SELENOF: variants seen among roughly 807,000 people sequenced by gnomAD.
SELENOF encodes 15 kDa selenoprotein.
Under a neutral mutation model 20.5 loss-of-function variants are expected in SELENOF, and 16 were observed. The ratio of observed to expected loss-of-function variants is 0.78; its 90% CI spans 0.53 to 1.19. SELENOF has a LOEUF of 1.19. Among genes scored for constraint, SELENOF ranks in the 50% most tolerant of loss-of-function variants. The pLI is 0.00. For missense variants in SELENOF, 215 were observed against 194.2 expected (o/e 1.11, Z -0.64); for synonymous variants, 78 against 74.5 (o/e 1.05, Z -0.24).
At chr1:86,876,142 T>C (rs948186886) in intron 3 of SELENOF, among the ~76,000 whole-genome samples, 3 of 151,384 alleles carry the variant, frequency 2.0e-5, no homozygotes, top group Admixed American at 6.6e-5. Flanking sequence ...CTAATCCTTT[T>C]GGATAAAGAT....
rs1439412615 is a variant in SELENOF, at chr1:86,903,405, T to G, written c.128A>C (p.Glu43Ala). Reference protein sequence around the residue: ...GAEFSSEACRELGFSSNLLCS... With the variant: ...GAEFSSEACRALGFSSNLLCS... ...AAGCAAGTTGCTAGAAAAGCCTAAC[T>G]CTCTGCATGCCTCCGATGAAAACTC... Residue 43 changes from glutamate (E) to alanine (A), a missense_variant, in exon 2 of 5, where the codon GAG becomes GCG. Physicochemically the swap from Glu to Ala is moderately radical, Grantham distance 107 (BLOSUM62 -1). Transcript: ENST00000331835. 1 of 1,610,970 alleles carries G rather than the reference T, an allele frequency of 6.2e-7. No homozygotes were observed.
chr1:86,902,183 T>C (rs1378360709), intron 2 of SELENOF, among the ~76,000 whole-genome samples: 3 of 152,232 alleles, frequency 2.0e-5, no homozygotes, highest in Non-Finnish European at 4.4e-5. Flanking sequence ...AGATTTTATT[T>C]ACATGCAAGA....
intron 2 of SELENOF, among the ~76,000 whole-genome samples, chr1:86,896,179 G>A (rs1659519174): frequency 6.6e-6 from 1 of 150,420 alleles, no homozygotes; most frequent in Admixed American, 6.6e-5. Context: ...AACCTGGGAG[G>A]TTGCAGTGAG....
At chr1:86,876,611 TA>T (rs955031748) in intron 3 of SELENOF, among the ~76,000 whole-genome samples, 79 of 152,308 alleles carry the variant, frequency 5.2e-4, no homozygotes, top group African/African-American at 1.9e-3. Flanking sequence ...AAACTTTATG[TA>T]AAGATATAGA....
chr1:86,882,970 T>C (rs1363358616), intron 2 of SELENOF, among the ~76,000 whole-genome samples: 1 of 151,806 alleles, frequency 6.6e-6, no homozygotes, highest in Admixed American at 6.6e-5. Flanking sequence ...TACTAAAAAA[T>C]ACAAAAATTG....
intron 2 of SELENOF, among the ~76,000 whole-genome samples, chr1:86,881,903 G>T (rs1659079063): frequency 6.6e-6 from 1 of 152,012 alleles, no homozygotes; most frequent in Non-Finnish European, 1.5e-5. Flanking sequence ...GAATTCTGAT[G>T]ATCTCTAAGG....
chr1:86,910,719 AAAG>A (rs1250160316), intron 1 of SELENOF, among the ~76,000 whole-genome samples: 2 of 150,990 alleles, frequency 1.3e-5, no homozygotes, highest in South Asian at 4.2e-4. Context: ...AAAAAAAAAA[AAAG>A]GTTTCAGTCT....
chr1:86,909,472 T>C (rs1037764585), intron 1 of SELENOF, among the ~76,000 whole-genome samples: 17 of 152,294 alleles, frequency 1.1e-4, no homozygotes, highest in African/African-American at 3.9e-4. Context: ...CCTGATGACT[T>C]TGATGGCATG....
chr1:86,884,234 A>T (rs931006120), intron 2 of SELENOF, among the ~76,000 whole-genome samples: 2 of 152,144 alleles, frequency 1.3e-5, no homozygotes, highest in African/African-American at 4.8e-5. Context: ...TTTGTAGAGT[A>T]GTTCCAGTCC....
intron 3 of SELENOF, among the ~76,000 whole-genome samples, chr1:86,874,805 T>C (rs747942752): frequency 1.4e-4 from 22 of 152,204 alleles, no homozygotes; most frequent in Non-Finnish European, 3.1e-4. Context: ...ATAAGTATAT[T>C]TGAATTAGAA....
intron 2 of SELENOF, among the ~76,000 whole-genome samples, chr1:86,900,192 T>A (rs61800717): frequency 3.3e-5 from 5 of 150,756 alleles, no homozygotes; most frequent in African/African-American, 9.9e-5. Context: ...GGGTGGCGGC[T>A]GGGCAGAGGC....
intron 2 of SELENOF, among the ~76,000 whole-genome samples, chr1:86,882,603 G>T (rs520430): frequency 0.26 from 39,320 of 151,762 alleles, 6,272 homozygotes; most frequent in African/African-American, 0.45. Flanking sequence ...TTGCAGTTTT[G>T]CAAAAAATTA....
At chr1:86,891,043 C>A (rs1033917437) in intron 2 of SELENOF, among the ~76,000 whole-genome samples, 1 of 150,616 alleles carries the variant, frequency 6.6e-6, no homozygotes, top group South Asian at 2.1e-4. Context: ...AGCTTCCATG[C>A]CTATTTTTTC....
At chr1:86,869,758 TTTC>T (rs1202697018) in intron 3 of SELENOF, among the ~76,000 whole-genome samples, 5 of 152,132 alleles carry the variant, frequency 3.3e-5, no homozygotes, top group Admixed American at 6.5e-5. Flanking sequence ...TCTTTCTTTC[TTTC>T]TTTTTTTGAG....
At chr1:86,913,649 T>A (rs1281101648) in intron 1 of SELENOF, among the ~76,000 whole-genome samples, 2 of 152,186 alleles carry the variant, frequency 1.3e-5, no homozygotes, top group Non-Finnish European at 2.9e-5. Flanking sequence ...ACTTGAAGAC[T>A]TGCCTCTAAG....
At chr1:86,886,942 ATATCC>A (rs1659234015) in intron 2 of SELENOF, among the ~76,000 whole-genome samples, 1 of 152,186 alleles carries the variant, frequency 6.6e-6, no homozygotes, top group African/African-American at 2.4e-5. Context: ...AACACTAATA[ATATCC>A]AGTATAATTT....
At chr1:86,884,432 T>C (rs984220192) in intron 2 of SELENOF, among the ~76,000 whole-genome samples, 2 of 152,018 alleles carry the variant, frequency 1.3e-5, no homozygotes, top group Non-Finnish European at 2.9e-5. Context: ...ATTTGTGGTG[T>C]TCACTGGAAA....
chr1:86,903,513 A>G, intron 1 of SELENOF, 65 bp from the exon 2 acceptor site: 1 of 1,286,094 alleles, frequency 7.8e-7, no homozygotes, highest in South Asian at 1.7e-5. Flanking sequence ...TTCCAAAAAG[A>G]GAACACGGGG....
At chr1:86,878,966 T>C (rs1189342117) in intron 3 of SELENOF, among the ~76,000 whole-genome samples, 3 of 152,106 alleles carry the variant, frequency 2.0e-5, no homozygotes, top group African/African-American at 7.2e-5. Context: ...ACACAAAGCA[T>C]TAAAATTCAA....
Sources: allele counts gnomAD v4.1 joint callset (sites outside exome capture counted in the v4.1 genomes callset), GRCh38; gene constraint gnomAD v4.1.1; transcripts MANE v1.5; gene names NCBI Gene and HGNC (gene_info 2026-07-23, HGNC 2026-07-21).